Variants in FAT3 observed in about 807,000 individuals in gnomAD.
FAT3 encodes protocadherin Fat 3.
FAT3 carries 95 observed loss-of-function variants against 310.2 expected under a neutral mutation model. That is an observed-to-expected ratio of 0.31 (90% CI 0.26 to 0.36). FAT3 has a LOEUF of 0.36. Among genes scored for constraint, FAT3 ranks in the 10% least tolerant of loss-of-function variants. The pLI, the probability that FAT3 is intolerant of heterozygous loss-of-function variation, is 1.00. For missense variants in FAT3, 5,408 were observed against 5,715.6 expected, an observed-to-expected ratio of 0.95 and a Z score of 1.74; for synonymous variants, 2,314 against 2,192.9, an observed-to-expected ratio of 1.06 and a Z score of -1.54.
chr11:92,783,357 C>CAA (rs35357267), intron 7 of FAT3, among the ~76,000 whole-genome samples: 1,477 of 43,296 alleles, frequency 0.034, 94 homozygotes, highest in Middle Eastern at 0.043. Context: ...GACTCCATCT[C>CAA]AAAAAAAAAA....
intron 1 of FAT3, among the ~76,000 whole-genome samples, chr11:92,251,215 C>G (rs1033421352): frequency 6.6e-6 from 1 of 152,074 alleles, no homozygotes; most frequent in Non-Finnish European, 1.5e-5. Context: ...TCATTGCTTC[C>G]GAGGTAGGTT....
At chr11:92,256,933 T>TG (rs1240882705) in intron 1 of FAT3, among the ~76,000 whole-genome samples, 5 of 152,134 alleles carry the variant, frequency 3.3e-5, no homozygotes, top group Non-Finnish European at 7.4e-5. Context: ...TCTCAGCTGT[T>TG]GGGAAGCTTG....
rs758877263 is a variant in FAT3 at position 92,352,547 on chromosome 11, T to C, written c.435T>C (p.Asn145=). 1 of 1,613,714 alleles carries C rather than the reference T, an allele frequency of 6.2e-7. No homozygotes were observed. Among genetic ancestry groups the C allele is most frequent in the South Asian group, 1.1e-5 (1 of 91,046 alleles). ...GEDLEAWTKV[N]IQVLDMNDLR... is the part of the protein sequence containing the mutation. The stretch of plus-strand genomic sequence containing the variant: ...ATTTGGAAGCATGGACCAAAGTGAA[T>C]ATACAGGTTTTAGATATGAATGATC... The change falls in exon 2 of 28, where the codon AAT becomes AAC. Residue 145 remains asparagine, a synonymous_variant. Transcript: ENST00000525166.
intron 3 of FAT3, among the ~76,000 whole-genome samples, chr11:92,600,257 G>A (rs948769296): frequency 1.3e-5 from 2 of 152,202 alleles, no homozygotes; most frequent in African/African-American, 4.8e-5. Flanking sequence ...TTAAAAAAGT[G>A]TATAGAGACC....
At chr11:92,745,288 T>G (rs1291210211) in intron 4 of FAT3, among the ~76,000 whole-genome samples, 3 of 152,200 alleles carry the variant, frequency 2.0e-5, no homozygotes, top group Non-Finnish European at 2.9e-5. Context: ...TGTGAACTAG[T>G]GCAGAGGGAT....
chr11:92,391,202 C>G (rs930364273), intron 2 of FAT3, among the ~76,000 whole-genome samples: 3 of 152,192 alleles, frequency 2.0e-5, no homozygotes, highest in Non-Finnish European at 4.4e-5. Flanking sequence ...TTCACTCTGT[C>G]TTCTGTTCCC....
intron 1 of FAT3, among the ~76,000 whole-genome samples, chr11:92,309,967 T>G (rs932415770): frequency 2.6e-5 from 4 of 151,990 alleles, no homozygotes; most frequent in African/African-American, 9.7e-5. Context: ...GATCTCTGTT[T>G]TTTTTTTTTT....
intron 2 of FAT3, among the ~76,000 whole-genome samples, chr11:92,360,248 C>G (rs949513871): frequency 4.6e-5 from 7 of 152,118 alleles, no homozygotes; most frequent in African/African-American, 1.2e-4. Flanking sequence ...GAGTGAACTC[C>G]CATTCACAAT....
intron 2 of FAT3, among the ~76,000 whole-genome samples, chr11:92,472,036 T>C (rs1449797618): frequency 2.7e-5 from 4 of 150,790 alleles, no homozygotes; most frequent in African/African-American, 9.7e-5. Context: ...CAAAAGATTA[T>C]TAGGTATTAT....
intron 27 of FAT3, 49 bp from the exon 28 acceptor site, chr11:92,890,442 A>G (rs7118363): frequency 0.4 from 616,381 of 1,552,614 alleles, 124,798 homozygotes; most frequent in African/African-American, 0.54. Context: ...CCAGCAAAGC[A>G]CCAACTCCAG....
chr11:92,795,012 ACT>A (rs1238939853), intron 9 of FAT3, among the ~76,000 whole-genome samples: 2 of 152,068 alleles, frequency 1.3e-5, no homozygotes, highest in African/African-American at 2.4e-5. Context: ...GCAAGATTTC[ACT>A]CTGTTTATTG....
intron 3 of FAT3, among the ~76,000 whole-genome samples, chr11:92,600,944 C>T (rs929365438): frequency 1.3e-5 from 2 of 151,928 alleles, no homozygotes; most frequent in African/African-American, 4.8e-5. Context: ...GAACAGAGAT[C>T]CAGTAAAAGG....
intron 3 of FAT3, among the ~76,000 whole-genome samples, chr11:92,624,834 A>G (rs1941250930): frequency 1.3e-5 from 2 of 152,310 alleles, no homozygotes. Flanking sequence ...ATGTTTTGGC[A>G]GGGTGGCCTT....
intron 2 of FAT3, among the ~76,000 whole-genome samples, chr11:92,494,492 A>G (rs1952696628): frequency 1.3e-5 from 2 of 152,068 alleles, no homozygotes; most frequent in South Asian, 4.1e-4. Flanking sequence ...TACTTTTATA[A>G]CTGTGATCAC....
At chr11:92,264,846 C>A (rs778853886) in intron 1 of FAT3, among the ~76,000 whole-genome samples, 2 of 152,056 alleles carry the variant, frequency 1.3e-5, no homozygotes, top group African/African-American at 2.4e-5. Context: ...AGACACCTTT[C>A]CTACTGTTAA....
chr11:92,517,669 C>T (rs1220946025), intron 2 of FAT3, among the ~76,000 whole-genome samples: 2 of 152,074 alleles, frequency 1.3e-5, no homozygotes, highest in Non-Finnish European at 2.9e-5. Context: ...AAGAAACTGT[C>T]GTCAGAGTGA....
chr11:92,856,525 C>A (rs78319458), intron 19 of FAT3, among the ~76,000 whole-genome samples: 1 of 152,108 alleles, frequency 6.6e-6, no homozygotes, highest in African/African-American at 2.4e-5. Context: ...CAGGATTTCC[C>A]TTCTGAGGGA....
At chr11:92,374,767 T>C (rs530439180) in intron 2 of FAT3, among the ~76,000 whole-genome samples, 2 of 152,316 alleles carry the variant, frequency 1.3e-5, no homozygotes, top group Middle Eastern at 3.4e-3. Flanking sequence ...ACCTCCACCC[T>C]TTACTGTTGT....
chr11:92,278,562 T>TA (rs1946339012), intron 1 of FAT3, among the ~76,000 whole-genome samples: 1 of 152,152 alleles, frequency 6.6e-6, no homozygotes, highest in South Asian at 2.1e-4. Context: ...GACAACTATT[T>TA]AAATATGTAT....
Sources: gnomAD v4.1 joint callset for allele counts (sites outside exome capture counted in the v4.1 genomes callset) on GRCh38, gnomAD v4.1.1 for gene constraint, MANE v1.5 for transcripts, NCBI Gene and HGNC (gene_info 2026-07-23, HGNC 2026-07-21) for gene names.